Variants in RIOK1 observed in about 807,000 individuals in gnomAD.
The protein encoded by RIOK1 is serine/threonine-protein kinase RIO1.
Under a neutral mutation model 73.5 loss-of-function variants are expected in RIOK1, and 66 were observed. That is an observed-to-expected ratio of 0.90 (90% CI 0.74 to 1.10). The LOEUF is 1.10. Among genes scored for constraint, RIOK1 ranks in the 50% least tolerant of loss-of-function variants. The pLI is 0.00. For synonymous variants in RIOK1, 224 were observed against 226.8 expected (o/e 0.99, Z 0.11); for missense variants, 658 against 699.8 (o/e 0.94, Z 0.67).
intron 2 of RIOK1, among the ~76,000 whole-genome samples, chr6:7,394,718 C>T (rs1473243912): frequency 6.6e-6 from 1 of 152,130 alleles, no homozygotes; most frequent in Non-Finnish European, 1.5e-5. Flanking sequence ...TTATTATATA[C>T]TTTGGGGGTA....
At chr6:7,397,714 A>G (rs1009287547) in intron 4 of RIOK1, among the ~76,000 whole-genome samples, 1 of 152,340 alleles carries the variant, frequency 6.6e-6, no homozygotes, top group Non-Finnish European at 1.5e-5. Context: ...GTTATTTGTT[A>G]TTTCACTGGT....
chr6:7,406,734 C>T (rs1466074438), intron 12 of RIOK1, among the ~76,000 whole-genome samples: 2 of 152,156 alleles, frequency 1.3e-5, no homozygotes, highest in Non-Finnish European at 2.9e-5. Flanking sequence ...GATCTTGGCT[C>T]ACTGCAACCT....
At chr6:7,391,173 A>C (rs1210578112) in intron 1 of RIOK1, among the ~76,000 whole-genome samples, 1 of 152,190 alleles carries the variant, frequency 6.6e-6, no homozygotes, top group East Asian at 1.9e-4. Flanking sequence ...GATTTTGTTA[A>C]TTATTGGGGA....
chr6:7,417,361 A>G lies in RIOK1; in HGVS notation c.1627A>G (p.Arg543Gly). 1 of 1,564,342 alleles carries G rather than the reference A, an allele frequency of 6.4e-7. No homozygotes were observed. The highest frequency in any genetic ancestry group is 8.7e-7 in the Non-Finnish European group (1 of 1,154,938). The change falls in exon 17 of 17, where the codon AGA becomes GGA. Residue 543 changes from arginine (R) to glycine (G), a missense_variant. By Grantham distance (125) the Arg-to-Gly change is moderately radical (BLOSUM62 -2). Coordinates refer to ENST00000379834, the MANE Select transcript of RIOK1 (RefSeq NM_031480.3). ...AAAAAAGATGGTCAAGGAAGCCCAG[A>G]GAGAGAAAAGAAAAAACAAAATTCC... ...ERKKMVKEAQ[R>G]EKRKNKIPKH... is the part of the protein sequence containing the mutation.
At chr6:7,412,664 A>G (rs882457) in intron 14 of RIOK1, among the ~76,000 whole-genome samples, 1 of 151,942 alleles carries the variant, frequency 6.6e-6, no homozygotes, top group Non-Finnish European at 1.5e-5. Flanking sequence ...AAAAAAAAAA[A>G]AACAACTACC....
chr6:7,407,762 G>T (rs1403728960), intron 12 of RIOK1, among the ~76,000 whole-genome samples: 1 of 151,922 alleles, frequency 6.6e-6, no homozygotes, highest in African/African-American at 2.4e-5. Context: ...TCAAAGTTCT[G>T]GGGTTGCAGG....
At chr6:7,392,873 T>C in intron 1 of RIOK1, 3 of 973,714 alleles carry the variant, frequency 3.1e-6, no homozygotes, top group Non-Finnish European at 2.4e-6. Context: ...ATGTGCTTCT[T>C]GAATAGTAGG....
intron 5 of RIOK1, among the ~76,000 whole-genome samples, chr6:7,400,107 G>C (rs1761573865): frequency 6.6e-6 from 1 of 152,198 alleles, no homozygotes; most frequent in Admixed American, 6.5e-5. Flanking sequence ...CCTTCTGTTT[G>C]TTAGAGAAGA....
chr6:7,411,586 T>C, intron 14 of RIOK1, 135 bp downstream of exon 14: 1 of 853,938 alleles, frequency 1.2e-6, no homozygotes, highest in Non-Finnish European at 1.8e-6. Context: ...TAACTCTATC[T>C]GTGTTAACTT....
chr6:7,391,013 C>G (rs4960310), intron 1 of RIOK1, among the ~76,000 whole-genome samples: 129,081 of 152,152 alleles, frequency 0.85, 56,170 homozygotes, highest in South Asian at 0.96. Context: ...GAAGTGGCAG[C>G]GTTTGGTGGT....
In RIOK1 at chr6:7,404,028, G is replaced by C; in HGVS notation, c.854+1G>C. The C allele has an allele frequency of 6.3e-7, 1 of 1,592,606 alleles. No homozygotes were observed. ...TGAGTTTCATCGGTAAAGATGACAT[G>C]TAAGTACATGGAAGGGCTAATAATT... On this transcript the variant is annotated splice_donor_variant, in intron 9 of 16. Transcript: ENST00000379834. LOFTEE classifies it high-confidence loss of function.
rs747496782 is a variant in RIOK1, at chr6:7,414,311, GCTCTGACACAGA to G, written c.1524_1535del (p.Asp508_Ser511del). On this transcript the variant is annotated inframe_deletion, in exon 16 of 17. Coordinates refer to ENST00000379834, the MANE Select transcript of RIOK1 (RefSeq NM_031480.3). ...TCAGAAGATATTGGAAGCTCTGAGT[GCTCTGACACAGA>G]CTCTGAAGAGCAGGGAGACCATGCC... 1 of 1,613,816 alleles carries G rather than the reference GCTCTGACACAGA, an allele frequency of 6.2e-7. No homozygotes were observed. Among genetic ancestry groups the G allele is most frequent in the East Asian group, 2.2e-5 (1 of 44,886 alleles).
At chr6:7,394,765 C>T (rs569460415) in intron 2 of RIOK1, among the ~76,000 whole-genome samples, 121 of 152,192 alleles carry the variant, frequency 8.0e-4, no homozygotes, top group Non-Finnish European at 1.1e-3. Flanking sequence ...ATAAACCAGT[C>T]AAATTAGAAA....
chr6:7,397,267 A>C (rs1261541482), intron 4 of RIOK1, among the ~76,000 whole-genome samples: 1 of 152,228 alleles, frequency 6.6e-6, no homozygotes. Flanking sequence ...CCATCTCAAA[A>C]ATAAATACAT....
chr6:7,392,756 TG>T (rs1199098784), intron 1 of RIOK1: 1 of 166,018 alleles, frequency 6.0e-6, no homozygotes, highest in Admixed American at 6.5e-5. Context: ...GCTCTGCGAA[TG>T]ATTTTCCTAG....
chr6:7,405,778 TTTTTTTTTTTTCC>T (rs1475792536), intron 12 of RIOK1, among the ~76,000 whole-genome samples: 2 of 141,286 alleles, frequency 1.4e-5, no homozygotes, highest in Non-Finnish European at 3.1e-5. Context: ...AAGCCAGGGG[TTTTTTTTTTTTCC>T]TTTTTTTTTT....
intron 16 of RIOK1, 21 bp downstream of exon 16, chr6:7,414,411 C>G (rs777499787): frequency 2.5e-5 from 40 of 1,589,462 alleles, no homozygotes; most frequent in Middle Eastern, 3.4e-4. Context: ...AAATACCTTC[C>G]CCTTTTCTTT....
Position 7,404,460 on chromosome 6 carries a change from G to A in RIOK1, c.897G>A (p.Lys299=). ...LLKNVQLSES[K]ARELYLQVIQ... is the part of the protein sequence containing the mutation. ...AAAATGTCCAGTTATCAGAATCCAA[G>A]GCTCGGGAGTTGTACCTGCAGGTCA... The change falls in exon 10 of 17, where the codon AAG becomes AAA. Residue 299 remains lysine (K), a synonymous_variant. Coordinates refer to ENST00000379834, the MANE Select transcript of RIOK1 (RefSeq NM_031480.3). 1 of 1,614,134 alleles carries A rather than the reference G, an allele frequency of 6.2e-7. No individual in the cohort carries two copies. The highest frequency in any genetic ancestry group is 1.1e-5 in the South Asian group (1 of 91,086).
At chr6:7,404,221 T>C (rs545497926) in intron 9 of RIOK1, among the ~76,000 whole-genome samples, 194 bp downstream of exon 9, 2 of 152,340 alleles carry the variant, frequency 1.3e-5, no homozygotes, top group South Asian at 4.1e-4. Flanking sequence ...AAGTTAGTCC[T>C]GTGTTGGAGG....
Sources: gnomAD v4.1 joint callset for allele counts (sites outside exome capture counted in the v4.1 genomes callset) on GRCh38, gnomAD v4.1.1 for gene constraint, MANE v1.5 for transcripts, NCBI Gene and HGNC (gene_info 2026-07-23, HGNC 2026-07-21) for gene names.